Variants in DEPDC1B observed in about 807,000 individuals in gnomAD.
The protein encoded by DEPDC1B is DEP domain containing 1B.
Under a neutral mutation model 66.5 loss-of-function variants are expected in DEPDC1B, and 51 were observed. The observed-to-expected ratio is 0.77, with a 90% CI of 0.61 to 0.97. The LOEUF is 0.97. Ranked by LOEUF, DEPDC1B falls within the 50% of genes least tolerant of loss-of-function variation. The pLI is 0.00. For missense variants in DEPDC1B, 552 were observed against 637.1 expected, an observed-to-expected ratio of 0.87 and a Z score of 1.44; for synonymous variants, 226 against 223.6, an observed-to-expected ratio of 1.01 and a Z score of -0.10.
At chr5:60,695,555 A>G (rs1754635066) in intron 1 of DEPDC1B, among the ~76,000 whole-genome samples, 1 of 152,200 alleles carries the variant, frequency 6.6e-6, no homozygotes, top group Non-Finnish European at 1.5e-5. Context: ...TTTCAACATG[A>G]GATTTGGAGG....
At chr5:60,605,570 T>G (rs1401668720) in intron 8 of DEPDC1B, 120 bp downstream of exon 8, 8 of 1,076,970 alleles carry the variant, frequency 7.4e-6, no homozygotes, top group Non-Finnish European at 1.0e-5. Flanking sequence ...GGGTGGACAC[T>G]GACTGTGGCT....
intron 7 of DEPDC1B, chr5:60,630,998 G>C (rs1156497007): frequency 6.4e-6 from 1 of 157,450 alleles, no homozygotes; most frequent in Admixed American, 6.5e-5. Context: ...GAGAATATGA[G>C]AATGTGTCTT....
chr5:60,636,457 A>T (rs1194784637), intron 7 of DEPDC1B, among the ~76,000 whole-genome samples: 1 of 152,196 alleles, frequency 6.6e-6, no homozygotes, highest in Non-Finnish European at 1.5e-5. Context: ...ACACTGTAGA[A>T]TTTTTAGCTT....
intron 1 of DEPDC1B, among the ~76,000 whole-genome samples, chr5:60,692,105 T>C (rs1475397089): frequency 6.6e-6 from 1 of 152,146 alleles, no homozygotes; most frequent in Non-Finnish European, 1.5e-5. Context: ...ATAATGCCTA[T>C]TCTCATTTAT....
chr5:60,671,699 C>T (rs946689306), intron 2 of DEPDC1B, among the ~76,000 whole-genome samples: 6 of 152,218 alleles, frequency 3.9e-5, no homozygotes, highest in African/African-American at 9.6e-5. Context: ...CCCACCCCAA[C>T]CCCTGGCATT....
intron 2 of DEPDC1B, among the ~76,000 whole-genome samples, chr5:60,683,451 A>G (rs566724938): frequency 6.6e-6 from 1 of 152,250 alleles, no homozygotes; most frequent in South Asian, 2.1e-4. Context: ...GAGAGAATGC[A>G]GTGAAAGAAA....
chr5:60,679,292 C>T (rs1229338588), intron 2 of DEPDC1B, among the ~76,000 whole-genome samples: 1 of 152,184 alleles, frequency 6.6e-6, no homozygotes, highest in African/African-American at 2.4e-5. Context: ...GTATTAACTT[C>T]TATGGCTTTC....
At chr5:60,684,096 AAG>A (rs1400054207) in intron 2 of DEPDC1B, among the ~76,000 whole-genome samples, 2 of 152,170 alleles carry the variant, frequency 1.3e-5, no homozygotes, top group Admixed American at 6.5e-5. Flanking sequence ...AAAGAAATTG[AAG>A]AGAGACACAA....
At chr5:60,629,834 G>C (rs1401098646) in intron 7 of DEPDC1B, among the ~76,000 whole-genome samples, 1 of 152,056 alleles carries the variant, frequency 6.6e-6, no homozygotes, top group Non-Finnish European at 1.5e-5. Flanking sequence ...TTCTGTATTG[G>C]TTCATTCTTT....
At chr5:60,612,047 G>C (rs933210212) in intron 7 of DEPDC1B, among the ~76,000 whole-genome samples, 10 of 152,156 alleles carry the variant, frequency 6.6e-5, no homozygotes, top group South Asian at 2.1e-4. Flanking sequence ...TGGCTCTCTT[G>C]TTAGGGGCTA....
At chr5:60,642,450 G>C (rs1169050367) in intron 6 of DEPDC1B, among the ~76,000 whole-genome samples, 8 of 152,010 alleles carry the variant, frequency 5.3e-5, no homozygotes, top group Admixed American at 5.2e-4. Flanking sequence ...ATCCTCACAG[G>C]GACCACCCTG....
At chr5:60,648,861 A>C (rs1753379653) in intron 2 of DEPDC1B, among the ~76,000 whole-genome samples, 1 of 152,234 alleles carries the variant, frequency 6.6e-6, no homozygotes, top group Admixed American at 6.5e-5. Flanking sequence ...TTATAAATAA[A>C]GGGTGGCTTA....
At chr5:60,642,024 T>A (rs569188782) in intron 6 of DEPDC1B, among the ~76,000 whole-genome samples, 1 of 152,210 alleles carries the variant, frequency 6.6e-6, no homozygotes, top group East Asian at 1.9e-4. Flanking sequence ...TTAAGAGTTA[T>A]TTTAGTTTCA....
At chr5:60,623,013 A>G (rs11951503) in intron 7 of DEPDC1B, among the ~76,000 whole-genome samples, 51,073 of 151,986 alleles carry the variant, frequency 0.34, 10,410 homozygotes, top group East Asian at 0.57. Context: ...ATTTGATGTA[A>G]TTTTTATTTT....
chr5:60,695,493 CCA>C (rs1437004734), intron 1 of DEPDC1B, among the ~76,000 whole-genome samples: 8 of 152,124 alleles, frequency 5.3e-5, no homozygotes, highest in African/African-American at 1.9e-4. Context: ...GTGATCTGCC[CCA>C]GTGACCCAAA....
At chr5:60,632,098 A>C (rs569795710) in intron 7 of DEPDC1B, among the ~76,000 whole-genome samples, 1 of 152,306 alleles carries the variant, frequency 6.6e-6, no homozygotes, top group East Asian at 1.9e-4. Context: ...CAATTTGTCT[A>C]TTTTGTTGCT....
intron 1 of DEPDC1B, among the ~76,000 whole-genome samples, chr5:60,689,784 C>T (rs1036517508): frequency 1.9e-4 from 29 of 152,110 alleles, no homozygotes; most frequent in Non-Finnish European, 3.5e-4. Context: ...GCTTACACCC[C>T]TAATCCCAGC....
At chr5:60,671,737 T>G (rs1053306220) in intron 2 of DEPDC1B, among the ~76,000 whole-genome samples, 2 of 152,234 alleles carry the variant, frequency 1.3e-5, no homozygotes, top group Non-Finnish European at 2.9e-5. Context: ...AGTTCCCTCT[T>G]GGCATCTGCT....
intron 2 of DEPDC1B, among the ~76,000 whole-genome samples, chr5:60,666,417 C>T (rs373742122): frequency 1.2e-4 from 19 of 152,242 alleles, no homozygotes; most frequent in African/African-American, 2.9e-4. Context: ...GGGAGCGAAC[C>T]GCCACATCTT....
Sources: allele counts gnomAD v4.1 joint callset (sites outside exome capture counted in the v4.1 genomes callset), GRCh38; gene constraint gnomAD v4.1.1; transcripts MANE v1.5; gene names NCBI Gene and HGNC (gene_info 2026-07-23, HGNC 2026-07-21).